Variants in PLA2G4E observed in about 807,000 individuals in gnomAD.
The protein encoded by PLA2G4E is phospholipase A2 group IVE.
PLA2G4E carries 84 observed loss-of-function variants against 109.1 expected under a neutral mutation model. That is an observed-to-expected ratio of 0.77 (90% CI 0.65 to 0.92). The LOEUF is 0.92. Among genes scored for constraint, PLA2G4E ranks in the 40% least tolerant of loss-of-function variants. PLA2G4E has a pLI of 0.00. For missense variants in PLA2G4E, 1,057 were observed against 1,076.6 expected, an observed-to-expected ratio of 0.98 and a Z score of 0.25; for synonymous variants, 469 against 436.1, an observed-to-expected ratio of 1.08 and a Z score of -0.94.
intron 12 of PLA2G4E, among the ~76,000 whole-genome samples, chr15:41,994,325 G>T (rs1380650414): frequency 6.6e-6 from 1 of 152,042 alleles, no homozygotes; most frequent in East Asian, 1.9e-4. Context: ...TGGCACAGGA[G>T]CCCTTGGCTT....
At chr15:42,046,572 G>C (rs1466652328) in intron 1 of PLA2G4E, among the ~76,000 whole-genome samples, 1 of 152,200 alleles carries the variant, frequency 6.6e-6, no homozygotes, top group African/African-American at 2.4e-5. Context: ...GTCACTCGCT[G>C]TCACATTTTG....
At chr15:41,982,883 C>G (rs567181770) in exon 20 of PLA2G4E, 2 of 152,242 alleles carry the variant, frequency 1.3e-5, no homozygotes, top group Non-Finnish European at 2.9e-5. Flanking sequence ...TTTGTTGTGG[C>G]AGAGACTGGC....
At chr15:42,000,318 C>T (rs966377133) in intron 7 of PLA2G4E, 36 bp from the exon 8 acceptor site, 7 of 1,525,748 alleles carry the variant, frequency 4.6e-6, no homozygotes, top group Non-Finnish European at 6.2e-6. Context: ...ACCCTGGGAG[C>T]CTCTCACTAC....
intron 1 of PLA2G4E, among the ~76,000 whole-genome samples, chr15:42,025,202 G>GAA (rs112998968): frequency 1.0e-3 from 86 of 83,396 alleles, no homozygotes; most frequent in African/African-American, 3.2e-3. Context: ...TCTCAAAAAA[G>GAA]AAAAAAAAAA....
intron 12 of PLA2G4E, among the ~76,000 whole-genome samples, chr15:41,993,370 A>C (rs1237668661): frequency 6.6e-6 from 1 of 152,198 alleles, no homozygotes; most frequent in Non-Finnish European, 1.5e-5. Context: ...AGTTCTGGTG[A>C]AGATTACATG....
intron 1 of PLA2G4E, among the ~76,000 whole-genome samples, chr15:42,028,933 A>C (rs1889069303): frequency 6.6e-6 from 1 of 152,180 alleles, no homozygotes; most frequent in Admixed American, 6.5e-5. Flanking sequence ...ACTCTATTTC[A>C]TGATGACAAG....
intron 2 of PLA2G4E, among the ~76,000 whole-genome samples, chr15:42,012,598 T>C (rs1450924135): frequency 6.6e-6 from 1 of 152,096 alleles, no homozygotes; most frequent in Admixed American, 6.5e-5. Flanking sequence ...GATACTCAGG[T>C]CCTGCCCCTC....
At chr15:41,989,303 G>T in intron 15 of PLA2G4E, 112 bp downstream of exon 15, 1 of 1,450,896 alleles carries the variant, frequency 6.9e-7, no homozygotes, top group Non-Finnish European at 9.4e-7. Flanking sequence ...CCACTCCTAG[G>T]ATGAGACAAT....
intron 1 of PLA2G4E, among the ~76,000 whole-genome samples, chr15:42,029,618 G>A (rs1889079408): frequency 1.3e-5 from 2 of 152,168 alleles, no homozygotes; most frequent in South Asian, 4.1e-4. Context: ...ACTGAGTATG[G>A]TATAGCGGTC....
intron 5 of PLA2G4E, among the ~76,000 whole-genome samples, chr15:42,004,722 A>G (rs909538035): frequency 6.6e-6 from 1 of 152,238 alleles, no homozygotes; most frequent in Non-Finnish European, 1.5e-5. Flanking sequence ...TGCTGAGGGC[A>G]GGAGAACTGG....
chr15:42,004,452 C>T (rs750915229), intron 5 of PLA2G4E, among the ~76,000 whole-genome samples: 5 of 151,828 alleles, frequency 3.3e-5, no homozygotes, highest in Non-Finnish European at 7.4e-5. Context: ...TTGGAAAGAA[C>T]CCTGCAAGGT....
intron 1 of PLA2G4E, among the ~76,000 whole-genome samples, chr15:42,024,475 C>T (rs191057401): frequency 3.9e-4 from 59 of 152,320 alleles, no homozygotes; most frequent in African/African-American, 1.4e-3. Flanking sequence ...GGCTTGTTAC[C>T]TGACACTTCA....
At chr15:41,983,658 G>T (rs528448056) in exon 20 of PLA2G4E, 2 of 1,141,940 alleles carry the variant, frequency 1.8e-6, no homozygotes, top group Admixed American at 2.4e-5. Context: ...CATTGCCGGA[G>T]AGCAGAGCTG....
chr15:42,002,327 C>T (rs953563634), intron 6 of PLA2G4E, among the ~76,000 whole-genome samples: 15 of 142,302 alleles, frequency 1.1e-4, no homozygotes, highest in Non-Finnish European at 1.5e-4. Context: ...TTGTGGGGTA[C>T]AGGACCAAGA....
chr15:42,013,396 C>T (rs540580022), intron 2 of PLA2G4E, among the ~76,000 whole-genome samples: 115 of 152,206 alleles, frequency 7.6e-4, no homozygotes, highest in African/African-American at 2.6e-3. Flanking sequence ...AGACAGAGGG[C>T]GAACAGAGCT....
chr15:41,990,114 G>T lies in PLA2G4E; in HGVS notation c.1585+7C>A. On this transcript the variant is annotated splice_region_variant and intron_variant, in intron 14 of 19. Coordinates refer to ENST00000399518, the Ensembl canonical transcript of PLA2G4E. ...CCCACTTGTAAATCACCAGCCACTG[G>T]TGTTACCTCTGAAGTCCTGGTTGCT... The T allele has an allele frequency of 6.2e-7, 1 of 1,610,346 alleles. No homozygotes were observed. The highest frequency in any genetic ancestry group is 8.5e-7 in the Non-Finnish European group (1 of 1,177,882).
At chr15:42,041,570 C>A (rs1458582140) in intron 1 of PLA2G4E, among the ~76,000 whole-genome samples, 1 of 152,184 alleles carries the variant, frequency 6.6e-6, no homozygotes, top group Non-Finnish European at 1.5e-5. Flanking sequence ...ACTAAAGAGA[C>A]CTCCCCAGGA....
Position 42,005,979 on chromosome 15 carries a change from C to A in PLA2G4E, c.525+11G>T. 6.2e-7 allele frequency: 1 copy of A among 1,613,454 alleles called. No individual in the cohort carries two copies. Among genetic ancestry groups the A allele is most frequent in the Non-Finnish European group, 8.5e-7 (1 of 1,179,542 alleles). ...GAAGCCGGAGTCTGAGGGCCTGTAC[C>A]CTGCACCCACCTGCGGGTTGAGTGG... On this transcript the variant is annotated intron_variant, in intron 4 of 19. Coordinates refer to ENST00000399518, the Ensembl canonical transcript of PLA2G4E.
intron 3 of PLA2G4E, among the ~76,000 whole-genome samples, chr15:42,006,437 G>C (rs2068477529): frequency 6.6e-6 from 1 of 152,196 alleles, no homozygotes; most frequent in South Asian, 2.1e-4. Context: ...TGAGGGGAAG[G>C]ATGGATGGGA....
Sources: allele counts gnomAD v4.1 joint callset (sites outside exome capture counted in the v4.1 genomes callset), GRCh38; gene constraint gnomAD v4.1.1; transcripts MANE v1.5; gene names NCBI Gene and HGNC (gene_info 2026-07-23, HGNC 2026-07-21).